TLE1: variants seen among roughly 807,000 people sequenced by gnomAD.
The protein encoded by TLE1 is TLE family member 1, transcriptional corepressor, also known as transducin-like enhancer protein 1.
TLE1 carries 21 observed loss-of-function variants against 89.8 expected under a neutral mutation model. The observed-to-expected ratio is 0.23, with a 90% CI of 0.17 to 0.34. The LOEUF is 0.34. Among genes scored for constraint, TLE1 ranks in the 10% least tolerant of loss-of-function variants. The pLI is 1.00. For missense variants in TLE1, 795 were observed against 1,031.2 expected (o/e 0.77, Z 3.14); for synonymous variants, 447 against 407.6 (o/e 1.10, Z -1.16).
At chr9:81,605,818 A>G (rs1831575616) in intron 14 of TLE1, among the ~76,000 whole-genome samples, 1 of 151,786 alleles carries the variant, frequency 6.6e-6, no homozygotes, top group South Asian at 2.1e-4. Context: ...AAAAAAAACT[A>G]CCATTAGAGT....
intron 14 of TLE1, among the ~76,000 whole-genome samples, chr9:81,599,636 T>C (rs1420427128): frequency 6.6e-6 from 1 of 152,206 alleles, no homozygotes; most frequent in African/African-American, 2.4e-5. Context: ...TTACCTGCTA[T>C]GGGTAAAACC....
At chr9:81,680,990 C>T (rs866858717) in intron 4 of TLE1, among the ~76,000 whole-genome samples, 12 of 151,588 alleles carry the variant, frequency 7.9e-5, no homozygotes, top group South Asian at 2.1e-4. Context: ...AGAATCACAT[C>T]TAAGGAAATA....
intron 11 of TLE1, among the ~76,000 whole-genome samples, chr9:81,614,032 T>A (rs1824079569): frequency 6.6e-6 from 1 of 150,716 alleles, no homozygotes; most frequent in African/African-American, 2.4e-5. Context: ...CTCTGCCTCC[T>A]GAGTAGCTGG....
intron 14 of TLE1, among the ~76,000 whole-genome samples, chr9:81,601,073 T>A (rs1383349817): frequency 1.3e-5 from 2 of 152,134 alleles, no homozygotes; most frequent in Non-Finnish European, 2.9e-5. Context: ...ATATCTATAG[T>A]TTATTGGTTC....
chr9:81,637,942 G>A (rs1827615639), intron 6 of TLE1, among the ~76,000 whole-genome samples: 1 of 152,160 alleles, frequency 6.6e-6, no homozygotes, highest in Non-Finnish European at 1.5e-5. Flanking sequence ...GAGCCAGAAT[G>A]AGGGCTACAA....
Position 81,688,207 on chromosome 9 carries a change from C to T in TLE1, c.24+10G>A, listed in dbSNP as rs767266631. The T allele has an allele frequency of 1.9e-6, 3 of 1,598,016 alleles. No homozygotes were observed. The highest frequency in any genetic ancestry group is 2.6e-6 in the Non-Finnish European group (3 of 1,172,264). ...TCCTGGCCCCCCACCACCACCCAGC[C>T]GCGCCTCACCGGGTGCCGGCTCTGC... On this transcript the variant is annotated intron_variant, in intron 1 of 19. Coordinates refer to ENST00000376499, the MANE Select transcript of TLE1 (RefSeq NM_005077.5).
intron 4 of TLE1, among the ~76,000 whole-genome samples, chr9:81,667,991 C>A (rs552664565): frequency 1.3e-5 from 2 of 152,184 alleles, no homozygotes; most frequent in African/African-American, 4.8e-5. Context: ...TGGTGAAACC[C>A]TGTCTCTATT....
At chr9:81,631,064 C>CA in intron 8 of TLE1, among the ~76,000 whole-genome samples, 1 of 152,168 alleles carries the variant, frequency 6.6e-6, no homozygotes, top group African/African-American at 2.4e-5. Context: ...TAGAACTTGT[C>CA]AAAAATTTGA....
chr9:81,652,150 AAATT>A (rs777633381), intron 6 of TLE1, 60 bp downstream of exon 6: 8 of 1,426,924 alleles, frequency 5.6e-6, no homozygotes, highest in Non-Finnish European at 7.8e-6. Flanking sequence ...TAAAGCCATC[AAATT>A]AATAAGAAAT....
intron 14 of TLE1, among the ~76,000 whole-genome samples, chr9:81,593,674 C>G (rs1393183676): frequency 1.3e-5 from 2 of 152,022 alleles, no homozygotes; most frequent in Non-Finnish European, 2.9e-5. Flanking sequence ...GTTTTCCCTG[C>G]TAAAGATGAA....
intron 6 of TLE1, among the ~76,000 whole-genome samples, chr9:81,643,524 C>T (rs965166330): frequency 4.6e-5 from 7 of 152,154 alleles, no homozygotes; most frequent in African/African-American, 1.7e-4. Context: ...GCATGAGCCA[C>T]CGCACCCAGC....
chr9:81,615,290 C>G (rs1824322135), intron 11 of TLE1, among the ~76,000 whole-genome samples: 1 of 149,402 alleles, frequency 6.7e-6, no homozygotes. Context: ...GATCACGCCA[C>G]TGCACTCCAG....
At chr9:81,687,460 G>A (rs370695976) in intron 1 of TLE1, 26 bp from the exon 2 acceptor site, 3 of 1,573,444 alleles carry the variant, frequency 1.9e-6, no homozygotes, top group East Asian at 2.3e-5. Context: ...GAGGGGGACC[G>A]AGGGACGGGA....
chr9:81,613,290 G>A (rs1823954335), intron 12 of TLE1, 87 bp downstream of exon 12: 1 of 1,535,554 alleles, frequency 6.5e-7, no homozygotes. Flanking sequence ...ATATTTGTAG[G>A]GCAATTGCGT....
chr9:81,652,106 T>TACGCACAC, intron 6 of TLE1, 108 bp downstream of exon 6: 1 of 695,124 alleles, frequency 1.4e-6, no homozygotes, highest in Non-Finnish European at 2.3e-6. Context: ...AACGTTAAGA[T>TACGCACAC]ACACACACAC....
At chr9:81,678,699 C>T (rs1030192101) in intron 4 of TLE1, among the ~76,000 whole-genome samples, 11 of 152,080 alleles carry the variant, frequency 7.2e-5, no homozygotes, top group South Asian at 2.1e-4. Context: ...CCTGTAATCC[C>T]GGATACTTGG....
At chr9:81,625,733 C>T (rs1825814757) in intron 8 of TLE1, among the ~76,000 whole-genome samples, 2 of 152,038 alleles carry the variant, frequency 1.3e-5, no homozygotes, top group Admixed American at 1.3e-4. Context: ...AGTGATGTGT[C>T]TATTTCATGC....
In TLE1 at chr9:81,584,261, A is replaced by G; in HGVS notation, c.2250T>C (p.Asp750=). ...CCGAGCCAGTGACTATGTACTTATC[A>G]TCCACAGAGATGTCACAGCTAAGCA... ...SSVLSCDISV[D]DKYIVTGSGD... is the part of the protein sequence containing the mutation. The change falls in exon 20 of 20, where the codon GAT becomes GAC. Residue 750 remains aspartate, a synonymous_variant. Coordinates refer to ENST00000376499, the MANE Select transcript of TLE1 (RefSeq NM_005077.5). 1 of 1,614,220 alleles carries G rather than the reference A, an allele frequency of 6.2e-7. No individual in the cohort carries two copies. Among genetic ancestry groups the G allele is most frequent in the Non-Finnish European group, 8.5e-7 (1 of 1,180,050 alleles).
chr9:81,686,815 C>CAGGTGAGCTTTCTTCTTTAT (rs1476900643), intron 2 of TLE1, among the ~76,000 whole-genome samples: 7 of 152,206 alleles, frequency 4.6e-5, no homozygotes, highest in Non-Finnish European at 1.0e-4. Flanking sequence ...GACGCCAAAG[C>CAGGTGAGCTTTCTTCTTTAT]AGGTGAGCTT....
Sources: gnomAD v4.1 joint callset for allele counts (sites outside exome capture counted in the v4.1 genomes callset) on GRCh38, gnomAD v4.1.1 for gene constraint, MANE v1.5 for transcripts, NCBI Gene and HGNC (gene_info 2026-07-23, HGNC 2026-07-21) for gene names.